The following GHR variants were observed in gnomAD, a reference collection of about 807,000 sequenced individuals.
GHR encodes the protein GH receptor.
GHR carries 35 observed loss-of-function variants against 67.1 expected under a neutral mutation model. The observed-to-expected ratio is 0.52, with a 90% CI of 0.40 to 0.69. The LOEUF (loss-of-function observed/expected upper bound fraction) is 0.69, where lower values mean the gene tolerates loss of function less well. GHR is among the 30% of genes least tolerant of loss of function. The pLI is 0.00. For missense variants in GHR, 792 were observed against 764.6 expected, an observed-to-expected ratio of 1.04 and a Z score of -0.42; for synonymous variants, 272 against 269.1, an observed-to-expected ratio of 1.01 and a Z score of -0.10.
chr5:42,549,325 G>A (rs1318822026), intron 1 of GHR, among the ~76,000 whole-genome samples: 1 of 152,160 alleles, frequency 6.6e-6, no homozygotes, highest in Non-Finnish European at 1.5e-5. Context: ...GTGTCCATGG[G>A]CCTTTATTCA....
At chr5:42,485,392 T>C (rs1037802896) in intron 1 of GHR, among the ~76,000 whole-genome samples, 1 of 152,238 alleles carries the variant, frequency 6.6e-6, no homozygotes, top group African/African-American at 2.4e-5. Context: ...ACCCCCATCA[T>C]AGCCTTCATC....
intron 1 of GHR, among the ~76,000 whole-genome samples, chr5:42,498,688 T>G (rs1746417824): frequency 6.6e-6 from 1 of 152,218 alleles, no homozygotes; most frequent in Non-Finnish European, 1.5e-5. Flanking sequence ...AAGTTTGTTC[T>G]CTTTCCTAGA....
intron 1 of GHR, among the ~76,000 whole-genome samples, chr5:42,528,827 A>G (rs187768290): frequency 1.2e-3 from 182 of 152,268 alleles, no homozygotes; most frequent in African/African-American, 4.0e-3. Context: ...CACCATGATC[A>G]CTCAGAAGGT....
At chr5:42,548,841 A>G (rs754536472) in intron 1 of GHR, among the ~76,000 whole-genome samples, 3 of 152,306 alleles carry the variant, frequency 2.0e-5, no homozygotes, top group Middle Eastern at 3.4e-3. Context: ...GTCACCATCA[A>G]GATATAATTT....
intron 1 of GHR, among the ~76,000 whole-genome samples, chr5:42,533,450 C>A (rs984193039): frequency 2.0e-5 from 3 of 151,818 alleles, no homozygotes; most frequent in Non-Finnish European, 2.9e-5. Context: ...TTTTAACACA[C>A]GTGATTTTTA....
intron 1 of GHR, among the ~76,000 whole-genome samples, chr5:42,534,204 A>ATGTATGTATATATGTACATG (rs1748123630): frequency 3.6e-5 from 3 of 82,328 alleles, no homozygotes; most frequent in African/African-American, 1.2e-4. Context: ...ATGTGTATAT[A>ATGTATGTATATATGTACATG]TGTATATATG....
intron 2 of GHR, among the ~76,000 whole-genome samples, chr5:42,570,142 G>A (rs1289122678): frequency 6.6e-6 from 1 of 152,216 alleles, no homozygotes; most frequent in Non-Finnish European, 1.5e-5. Context: ...TAGAGTCATG[G>A]TTTCAGTTAG....
chr5:42,634,906 T>C (rs2112765208), intron 3 of GHR, among the ~76,000 whole-genome samples: 1 of 152,160 alleles, frequency 6.6e-6, no homozygotes, highest in East Asian at 1.9e-4. Context: ...AAGAACTTAT[T>C]AGCTGATAAT....
intron 1 of GHR, among the ~76,000 whole-genome samples, chr5:42,454,974 T>C (rs1426076556): frequency 6.6e-6 from 1 of 152,174 alleles, no homozygotes; most frequent in Non-Finnish European, 1.5e-5. Flanking sequence ...TCCCTAATTC[T>C]GCTGGCTGCC....
intron 3 of GHR, among the ~76,000 whole-genome samples, chr5:42,654,752 G>A (rs1755170888): frequency 6.6e-6 from 1 of 152,116 alleles, no homozygotes; most frequent in Non-Finnish European, 1.5e-5. Flanking sequence ...AGCTACCCCA[G>A]TGGTTTTGCT....
Position 42,600,315 on chromosome 5 carries a change from G to T in GHR, c.71-28723G>T, listed in dbSNP as rs149024169. The stretch of plus-strand genomic sequence containing the variant: ...TATCTGTAAAAGAGAGAGAAAGGAT[G>T]TAAGAGTGGGCAGAGGGAGAAGTTG... On this transcript the variant is annotated intron_variant, in intron 2 of 9. Coordinates refer to ENST00000230882, the MANE Select transcript of GHR (RefSeq NM_000163.5). 4.3e-3 allele frequency among the ~76,000 whole-genome samples: 658 copies of T among 152,352 alleles called. 3 individuals carry two copies. The highest frequency in any genetic ancestry group is 0.015 in the African/African-American group (636 of 41,576).
chr5:42,660,344 A>T (rs1199738885), intron 3 of GHR, among the ~76,000 whole-genome samples: 1 of 152,140 alleles, frequency 6.6e-6, no homozygotes, highest in African/African-American at 2.4e-5. Context: ...TGAGCAGCCT[A>T]ACTGGGAGAC....
chr5:42,667,980 A>G (rs1364428813), intron 3 of GHR, among the ~76,000 whole-genome samples: 3 of 152,064 alleles, frequency 2.0e-5, no homozygotes, highest in African/African-American at 7.2e-5. Context: ...TTCATTAGCT[A>G]CTTCTCTATC....
Position 42,493,306 on chromosome 5 carries a change from A to C in GHR, c.-12+69351A>C, listed in dbSNP as rs186894104. Among the ~76,000 whole-genome samples the C allele has an allele frequency of 1.8e-3, 277 of 152,334 alleles. 1 individual carries two copies. Among genetic ancestry groups the C allele is most frequent in the African/African-American group, 6.3e-3 (263 of 41,584 alleles). Reference sequence around the variant, plus strand: ...GGAGTTTGGTATTATCATATTATCAAAAATAACTGCTCTTTGAAAAGTAGA... The same window carrying C: ...GGAGTTTGGTATTATCATATTATCACAAATAACTGCTCTTTGAAAAGTAGA... On this transcript the variant is annotated intron_variant, in intron 1 of 9. Coordinates refer to ENST00000230882, the MANE Select transcript of GHR (RefSeq NM_000163.5).
At chr5:42,610,323 G>A (rs1227278784) in intron 2 of GHR, among the ~76,000 whole-genome samples, 5 of 152,114 alleles carry the variant, frequency 3.3e-5, no homozygotes. Context: ...TTATTGCAAA[G>A]CTTGCCAGCC....
chr5:42,695,594 A>C (rs1356802212), intron 5 of GHR, among the ~76,000 whole-genome samples: 1 of 152,196 alleles, frequency 6.6e-6, no homozygotes, highest in Non-Finnish European at 1.5e-5. Context: ...AGACATGTTT[A>C]TTAGATCTCA....
intron 1 of GHR, among the ~76,000 whole-genome samples, chr5:42,530,943 G>A (rs749698203): frequency 3.9e-5 from 6 of 152,158 alleles, no homozygotes; most frequent in Non-Finnish European, 8.8e-5. Context: ...ATAAATGAAT[G>A]CCTATTTTAG....
chr5:42,424,507 TC>T lies in GHR; in HGVS notation c.-12+553del. 3 of 1,277,036 alleles carry T rather than the reference TC, an allele frequency of 2.3e-6. No individual in the cohort carries two copies. Among genetic ancestry groups the T allele is most frequent in the Non-Finnish European group, 3.3e-6 (3 of 912,204 alleles). 79.1% of individuals were successfully genotyped at this position (1,277,036 alleles called of 1,614,324 possible). A position where few individuals can be genotyped will look rare whatever the true frequency, so the allele number is the denominator to read the frequency against. On this transcript the variant is annotated intron_variant, in intron 1 of 9. Transcript: ENST00000230882. The surrounding 1 kb of genome is among the most constrained non-coding windows in gnomAD (Gnocchi z 4.1). ...TGGACACAGCGCGCAGAGCGCGCGGTCTTTTGCGCGTTTGTGCGGGCCGCAG... is the reference window on the plus strand; with the variant it reads ...TGGACACAGCGCGCAGAGCGCGCGGTTTTTGCGCGTTTGTGCGGGCCGCAG...
chr5:42,678,902 ATAAG>A (rs887966607), intron 3 of GHR, among the ~76,000 whole-genome samples: 1 of 150,714 alleles, frequency 6.6e-6, no homozygotes, highest in African/African-American at 2.4e-5. Flanking sequence ...TATCATATAA[ATAAG>A]TATGTGAGAA....
Sources: gnomAD v4.1 joint callset for allele counts (sites outside exome capture counted in the v4.1 genomes callset) on GRCh38, gnomAD v4.1.1 for gene constraint, Gnocchi (gnomAD v3.1) non-coding constraint, MANE v1.5 for transcripts, NCBI Gene and HGNC (gene_info 2026-07-23, HGNC 2026-07-21) for gene names.